Variants in TRHDE observed in about 807,000 individuals in gnomAD.
The protein encoded by TRHDE is thyrotropin releasing hormone degrading enzyme, also known as thyrotropin-releasing hormone-degrading ectoenzyme.
A neutral mutation model predicts 125.7 loss-of-function variants in TRHDE; 72 were observed. That is an observed-to-expected ratio of 0.57 (90% CI 0.47 to 0.70). The LOEUF (loss-of-function observed/expected upper bound fraction) is 0.70, where lower values mean the gene tolerates loss of function less well. Ranked by LOEUF, TRHDE falls within the 30% of genes least tolerant of loss-of-function variation. The pLI, the probability that TRHDE is intolerant of heterozygous loss-of-function variation, is 0.00. For synonymous variants in TRHDE, 509 were observed against 509.1 expected (o/e 1.00, Z 0.00); for missense variants, 1,110 against 1,327.1 (o/e 0.84, Z 2.54).
At chr12:72,446,477 CATA>C (rs1446478063) in intron 3 of TRHDE, among the ~76,000 whole-genome samples, 1 of 152,048 alleles carries the variant, frequency 6.6e-6, no homozygotes, top group Non-Finnish European at 1.5e-5. Context: ...CAGCCAACAT[CATA>C]ATGACAGGAT....
At chr12:72,165,424 C>T (rs1315426523) in intron 2 of TRHDE, among the ~76,000 whole-genome samples, 2 of 152,030 alleles carry the variant, frequency 1.3e-5, no homozygotes, top group Non-Finnish European at 2.9e-5. Flanking sequence ...TCTGAAATAA[C>T]ACTAATCCCT....
At chr12:72,655,799 C>A (rs958313050) in intron 17 of TRHDE, among the ~76,000 whole-genome samples, 2 of 152,180 alleles carry the variant, frequency 1.3e-5, no homozygotes, top group African/African-American at 4.8e-5. Flanking sequence ...TACCCACATA[C>A]TGATTGAAAA....
chr12:72,369,574 C>A (rs1212361062), intron 2 of TRHDE, among the ~76,000 whole-genome samples: 1 of 152,092 alleles, frequency 6.6e-6, no homozygotes, highest in Non-Finnish European at 1.5e-5. Flanking sequence ...GACACACCAA[C>A]CTCTCAGACG....
chr12:72,544,553 T>C (rs768564387), intron 7 of TRHDE, among the ~76,000 whole-genome samples: 1 of 151,384 alleles, frequency 6.6e-6, no homozygotes, highest in Non-Finnish European at 1.5e-5. Flanking sequence ...TTCTCCTTTT[T>C]TCTCTTTTTC....
upstream of TRHDE, chr12:72,272,191 T>A: frequency 2.2e-6 from 1 of 450,196 alleles, no homozygotes; most frequent in Non-Finnish European, 4.5e-6. This position sits in a 1 kb window ranked among gnomAD's most constrained non-coding sequence, Gnocchi z 6.7. Flanking sequence ...GCGAAAGCCC[T>A]AACTTCCCTC....
intron 15 of TRHDE, among the ~76,000 whole-genome samples, chr12:72,648,791 A>C (rs1874384879): frequency 6.6e-6 from 1 of 152,162 alleles, no homozygotes; most frequent in Admixed American, 6.6e-5. Flanking sequence ...TATGAAAAAA[A>C]AATACAAAAA....
intron 6 of TRHDE, among the ~76,000 whole-genome samples, chr12:72,518,497 G>A (rs1879000275): frequency 6.6e-6 from 1 of 152,066 alleles, no homozygotes; most frequent in African/African-American, 2.4e-5. Context: ...CCATTTGCTT[G>A]GTAGATCTTC....
intron 3 of TRHDE, among the ~76,000 whole-genome samples, chr12:72,451,144 GT>G (rs1875550933): frequency 6.6e-6 from 1 of 151,928 alleles, no homozygotes; most frequent in Non-Finnish European, 1.5e-5. Context: ...GATTTGTTTA[GT>G]TTTGCTTTTT....
At chr12:72,132,643 C>G (rs1875891201) in intron 2 of TRHDE, among the ~76,000 whole-genome samples, 1 of 152,210 alleles carries the variant, frequency 6.6e-6, no homozygotes, top group South Asian at 2.1e-4. Flanking sequence ...GTTCACACAT[C>G]AAACCTTGGT....
intron 3 of TRHDE, among the ~76,000 whole-genome samples, chr12:72,441,134 A>T (rs1173991268): frequency 1.3e-5 from 2 of 151,854 alleles, no homozygotes; most frequent in African/African-American, 2.4e-5. Flanking sequence ...TAATGAAAAA[A>T]AAAATCAATG....
chr12:72,196,133 C>T (rs773364114), intron 2 of TRHDE, among the ~76,000 whole-genome samples: 9 of 151,946 alleles, frequency 5.9e-5, no homozygotes, highest in African/African-American at 1.9e-4. Flanking sequence ...TGTAGCCATA[C>T]GGTATAGTTT....
In TRHDE at chr12:72,098,378, C is replaced by T. The variant is rs561581001; in HGVS notation, n.175-7270C>T. Among the ~76,000 whole-genome samples, 5 of 152,202 alleles carry T rather than the reference C, an allele frequency of 3.3e-5. No homozygotes were observed. In the South Asian group the frequency reaches 8.3e-4, roughly 25 times the overall value. On this transcript the variant is annotated intron_variant and non_coding_transcript_variant, in intron 1 of 4. Coordinates refer to the TRHDE transcript ENST00000548156. ...ATATCACAACTAGGACCTTGAAATG[C>T]TGACATTGATGCAGTCAATCTGGAT...
intron 3 of TRHDE, among the ~76,000 whole-genome samples, chr12:72,380,221 A>G (rs941901212): frequency 6.6e-6 from 1 of 152,162 alleles, no homozygotes; most frequent in East Asian, 1.9e-4. Flanking sequence ...CCTACCGTGG[A>G]CATTTTTCTA....
At chr12:72,415,970 T>C (rs1400830009) in intron 3 of TRHDE, among the ~76,000 whole-genome samples, 1 of 152,102 alleles carries the variant, frequency 6.6e-6, no homozygotes, top group Non-Finnish European at 1.5e-5. Context: ...CTGCTCTCCA[T>C]AGTGGCTGAA....
At chr12:72,386,367 C>T (rs756156850) in intron 3 of TRHDE, among the ~76,000 whole-genome samples, 9 of 152,084 alleles carry the variant, frequency 5.9e-5, no homozygotes, top group Non-Finnish European at 8.8e-5. Flanking sequence ...CCTTATACTC[C>T]GCTGTTTCCC....
At chr12:72,589,821 T>A (rs1871594681) in intron 12 of TRHDE, among the ~76,000 whole-genome samples, 1 of 152,056 alleles carries the variant, frequency 6.6e-6, no homozygotes, top group African/African-American at 2.4e-5. Context: ...TTAGAGTTAA[T>A]TTGTTGATAT....
intron 6 of TRHDE, among the ~76,000 whole-genome samples, chr12:72,509,904 G>C (rs1360820998): frequency 6.6e-6 from 1 of 152,190 alleles, no homozygotes; most frequent in Non-Finnish European, 1.5e-5. Flanking sequence ...GATCCCATCT[G>C]TTTATAGGAA....
chr12:72,652,527 A>G, intron 16 of TRHDE, 38 bp downstream of exon 16: 2 of 1,510,300 alleles, frequency 1.3e-6, no homozygotes, highest in Non-Finnish European at 1.8e-6. Flanking sequence ...TTCTCTAATG[A>G]AAGTATTCTG....
chr12:72,427,856 A>G (rs994798822), intron 3 of TRHDE, among the ~76,000 whole-genome samples: 2 of 152,156 alleles, frequency 1.3e-5, no homozygotes, highest in East Asian at 3.9e-4. Context: ...TAAATTAGAT[A>G]GACTATTGAT....
Sources: allele counts gnomAD v4.1 joint callset (sites outside exome capture counted in the v4.1 genomes callset), GRCh38; gene constraint gnomAD v4.1.1; non-coding constraint Gnocchi (gnomAD v3.1); transcripts MANE v1.5; gene names NCBI Gene and HGNC (gene_info 2026-07-23, HGNC 2026-07-21).